PDZRN3: variants seen among roughly 807,000 people sequenced by gnomAD.
The protein encoded by PDZRN3 is E3 ubiquitin-protein ligase PDZRN3.
Under a neutral mutation model 85.7 loss-of-function variants are expected in PDZRN3, and 38 were observed. That is an observed-to-expected ratio of 0.44 (90% CI 0.34 to 0.58). The LOEUF is 0.58. Among genes scored for constraint, PDZRN3 ranks in the 20% least tolerant of loss-of-function variants. The pLI is 0.01. For synonymous variants in PDZRN3, 759 were observed against 638.0 expected, an observed-to-expected ratio of 1.19 and a Z score of -2.86; for missense variants, 1,629 against 1,506.4, an observed-to-expected ratio of 1.08 and a Z score of -1.35.
At chr3:73,391,462 A>G (rs1392064783) in intron 5 of PDZRN3, among the ~76,000 whole-genome samples, 1 of 152,228 alleles carries the variant, frequency 6.6e-6, no homozygotes, top group Non-Finnish European at 1.5e-5. Context: ...TCCATACCCC[A>G]AACCACCCAG....
chr3:73,510,528 A>G (rs557192513), intron 3 of PDZRN3, among the ~76,000 whole-genome samples: 2 of 152,358 alleles, frequency 1.3e-5, no homozygotes, highest in Admixed American at 1.3e-4. Context: ...AGGAAATTTA[A>G]AAGACCACAT....
chr3:73,508,079 A>G (rs1478905201), intron 3 of PDZRN3, among the ~76,000 whole-genome samples: 1 of 151,746 alleles, frequency 6.6e-6, no homozygotes. Context: ...TGGGTGACTG[A>G]GACGGTCTCA....
At position 73,475,671 on chromosome 3, in the gene PDZRN3, C is replaced by A. The variant is rs573662876; in HGVS notation, c.919-71276G>T. 2.0e-5 allele frequency among the ~76,000 whole-genome samples: 3 copies of A among 152,312 alleles called. No homozygotes were observed. The East Asian group carries it at 5.8e-4, about 29-fold the overall frequency. ...TCAGATGGGTGATTGAATATAAATT[C>A]ACTGCCTTCAGCCAGTTGGTAATGA... On this transcript the variant is annotated intron_variant, in intron 3 of 9. Transcript: ENST00000263666.
chr3:73,444,607 A>G (rs959687336), intron 3 of PDZRN3, among the ~76,000 whole-genome samples: 1 of 152,238 alleles, frequency 6.6e-6, no homozygotes, highest in African/African-American at 2.4e-5. Flanking sequence ...GCCTGTCTCT[A>G]TACTCAAGCA....
At chr3:73,404,025 T>C in intron 4 of PDZRN3, 123 bp downstream of exon 4, 7 of 910,266 alleles carry the variant, frequency 7.7e-6, no homozygotes, top group Non-Finnish European at 1.2e-5. Context: ...ACAATAAAGT[T>C]AAACATGGGC....
At chr3:73,503,030 G>A (rs145936298) in intron 3 of PDZRN3, among the ~76,000 whole-genome samples, 3 of 152,342 alleles carry the variant, frequency 2.0e-5, no homozygotes, top group African/African-American at 7.2e-5. Context: ...GTTGGTCAGA[G>A]AATATTATAC....
rs1278806158 is a variant in PDZRN3, at chr3:73,624,424, G to A, written c.402C>T (p.Cys134=). ...RDVEAHMRDA[C]DARPVGRCQE... ...GGCAGCGGCCCACTGGCCGCGCGTCGCAGGCGTCGCGCATGTGCGCCTCCA... is the reference window on the plus strand; with the variant it reads ...GGCAGCGGCCCACTGGCCGCGCGTCACAGGCGTCGCGCATGTGCGCCTCCA... Residue 134 remains cysteine (C), a synonymous_variant, in exon 1 of 10, where the codon TGC becomes TGT. Coordinates refer to ENST00000263666, the MANE Select transcript of PDZRN3 (RefSeq NM_015009.3). 1 of 1,305,832 alleles carries A rather than the reference G, an allele frequency of 7.7e-7. No homozygotes were observed. The highest frequency in any genetic ancestry group is 2.2e-5 in the South Asian group (1 of 44,868). 80.9% of individuals were successfully genotyped at this position (1,305,832 alleles called of 1,614,324 possible).
chr3:73,618,026 G>T (rs1207849464), intron 1 of PDZRN3, among the ~76,000 whole-genome samples: 1 of 151,978 alleles, frequency 6.6e-6, no homozygotes, highest in Non-Finnish European at 1.5e-5. Context: ...TCACAGCCAG[G>T]ATCTGTTTTG....
At chr3:73,462,078 G>C (rs144961594) in intron 3 of PDZRN3, among the ~76,000 whole-genome samples, 1 of 152,242 alleles carries the variant, frequency 6.6e-6, no homozygotes, top group East Asian at 1.9e-4. Context: ...AGTATAAACT[G>C]ACATATGTGT....
chr3:73,526,353 C>CT (rs1468324821), intron 3 of PDZRN3, among the ~76,000 whole-genome samples: 1 of 152,114 alleles, frequency 6.6e-6, no homozygotes, highest in Non-Finnish European at 1.5e-5. Flanking sequence ...TATTCTCATA[C>CT]CAACCCATCA....
intron 3 of PDZRN3, among the ~76,000 whole-genome samples, chr3:73,538,838 C>T (rs765522298): frequency 6.6e-6 from 1 of 152,060 alleles, no homozygotes; most frequent in African/African-American, 2.4e-5. Context: ...GCATAAGAGA[C>T]GTTTGCTAAT....
intron 3 of PDZRN3, among the ~76,000 whole-genome samples, chr3:73,498,391 G>A (rs1372265877): frequency 6.6e-6 from 1 of 152,182 alleles, no homozygotes; most frequent in Non-Finnish European, 1.5e-5. Context: ...AGTATCAAAA[G>A]AGAACACAGG....
intron 3 of PDZRN3, among the ~76,000 whole-genome samples, chr3:73,417,154 C>T (rs1207902470): frequency 6.6e-6 from 1 of 152,140 alleles, no homozygotes; most frequent in Non-Finnish European, 1.5e-5. Context: ...TGAGCCACCA[C>T]ACCTGGATGA....
chr3:73,554,650 G>T (rs1701647926), intron 3 of PDZRN3, among the ~76,000 whole-genome samples: 1 of 152,052 alleles, frequency 6.6e-6, no homozygotes, highest in Non-Finnish European at 1.5e-5. Flanking sequence ...AACTTAGAAA[G>T]GTCTCCAAGA....
intron 3 of PDZRN3, chr3:73,556,679 T>C (rs1459011026): frequency 6.6e-6 from 1 of 152,192 alleles, no homozygotes; most frequent in Non-Finnish European, 1.5e-5. Flanking sequence ...GATGATTTCA[T>C]GCCAGGAATC....
At chr3:73,442,140 C>T (rs1455823244) in intron 3 of PDZRN3, among the ~76,000 whole-genome samples, 1 of 152,170 alleles carries the variant, frequency 6.6e-6, no homozygotes, top group Admixed American at 6.5e-5. Flanking sequence ...CCCTGCTGGG[C>T]TCCTGGAGGA....
intron 3 of PDZRN3, among the ~76,000 whole-genome samples, chr3:73,459,584 T>A (rs947271974): frequency 3.3e-5 from 5 of 152,194 alleles, no homozygotes; most frequent in Non-Finnish European, 5.9e-5. Context: ...AGTTCGCACT[T>A]ACAAGTGAGA....
chr3:73,499,168 C>T (rs1703926906), intron 3 of PDZRN3, among the ~76,000 whole-genome samples: 1 of 152,208 alleles, frequency 6.6e-6, no homozygotes, highest in Non-Finnish European at 1.5e-5. Context: ...CAACAGCATG[C>T]CTCTTTCCTT....
intron 3 of PDZRN3, among the ~76,000 whole-genome samples, chr3:73,533,965 G>A (rs958091239): frequency 2.7e-5 from 4 of 150,658 alleles, no homozygotes; most frequent in Non-Finnish European, 5.9e-5. Flanking sequence ...TTATCACTTA[G>A]TACCACCGGA....
Sources: gnomAD v4.1 joint callset for allele counts (sites outside exome capture counted in the v4.1 genomes callset) on GRCh38, gnomAD v4.1.1 for gene constraint, MANE v1.5 for transcripts, NCBI Gene and HGNC (gene_info 2026-07-23, HGNC 2026-07-21) for gene names.